ATP8B1: variants seen among roughly 807,000 people sequenced by gnomAD.
The protein encoded by ATP8B1 is phospholipid-transporting ATPase IC.
ATP8B1 carries 80 observed loss-of-function variants against 149.9 expected under a neutral mutation model. The observed-to-expected ratio is 0.53, with a 90% confidence interval of 0.45 to 0.64. The LOEUF (loss-of-function observed/expected upper bound fraction) is 0.64, where lower values mean the gene tolerates loss of function less well. ATP8B1 is among the 30% of genes least tolerant of loss of function. The pLI, the probability that ATP8B1 is intolerant of heterozygous loss-of-function variation, is 0.00. For missense variants in ATP8B1, 1,247 were observed against 1,552.6 expected (o/e 0.80, Z 3.31); for synonymous variants, 536 against 562.8 (o/e 0.95, Z 0.67).
At chr18:57,717,614 A>T (rs535332863) in intron 2 of ATP8B1, among the ~76,000 whole-genome samples, 7 of 149,918 alleles carry the variant, frequency 4.7e-5, no homozygotes, top group African/African-American at 1.7e-4. Context: ...GAGCAAACCA[A>T]ACCCAAAGTT....
At chr18:57,773,364 G>T (rs2123383017) in intron 1 of ATP8B1, among the ~76,000 whole-genome samples, 1 of 152,248 alleles carries the variant, frequency 6.6e-6, no homozygotes, top group Non-Finnish European at 1.5e-5. Flanking sequence ...CAGACAGAAA[G>T]GGTGGGATTT....
At chr18:57,672,891 T>TAC (rs1911302615) in intron 16 of ATP8B1, among the ~76,000 whole-genome samples, 22 of 17,496 alleles carry the variant, frequency 1.3e-3, no homozygotes, top group Non-Finnish European at 3.1e-4. Context: ...AAAAAGTATA[T>TAC]ATATATATAT....
At chr18:57,687,333 C>G (rs1912300905) in intron 13 of ATP8B1, among the ~76,000 whole-genome samples, 1 of 152,200 alleles carries the variant, frequency 6.6e-6, no homozygotes, top group Non-Finnish European at 1.5e-5. Context: ...TAGAATTATA[C>G]AACATTTGTC....
chr18:57,795,491 G>T (rs944014475), intron 1 of ATP8B1, among the ~76,000 whole-genome samples: 1 of 152,248 alleles, frequency 6.6e-6, no homozygotes, highest in Non-Finnish European at 1.5e-5. Context: ...TAAACAAAAT[G>T]TGGTATGTGC....
intron 1 of ATP8B1, among the ~76,000 whole-genome samples, chr18:57,741,863 C>T (rs1189989627): frequency 6.6e-6 from 1 of 152,030 alleles, no homozygotes; most frequent in East Asian, 1.9e-4. Context: ...TGGAGTCTGC[C>T]CAGTATTCTT....
intron 1 of ATP8B1, among the ~76,000 whole-genome samples, chr18:57,773,321 C>T (rs2080280322): frequency 6.6e-6 from 1 of 151,862 alleles, no homozygotes; most frequent in African/African-American, 2.4e-5. Context: ...CCTCTGGCAA[C>T]AGGGGCCAAA....
intron 1 of ATP8B1, among the ~76,000 whole-genome samples, chr18:57,743,356 C>T (rs2079936771): frequency 6.6e-6 from 1 of 152,138 alleles, no homozygotes; most frequent in Non-Finnish European, 1.5e-5. Flanking sequence ...CTTCCCCACA[C>T]CTACTAACAA....
At chr18:57,729,882 A>G (rs1207044684) in intron 2 of ATP8B1, among the ~76,000 whole-genome samples, 1 of 152,188 alleles carries the variant, frequency 6.6e-6, no homozygotes, top group East Asian at 1.9e-4. Context: ...GTCAAGTATC[A>G]TGAGTTTAGT....
intron 1 of ATP8B1, among the ~76,000 whole-genome samples, chr18:57,773,268 G>A (rs182279869): frequency 6.6e-6 from 1 of 151,944 alleles, no homozygotes; most frequent in African/African-American, 2.4e-5. Flanking sequence ...AAAAGATGGT[G>A]TTAATCTGTG....
intron 1 of ATP8B1, among the ~76,000 whole-genome samples, chr18:57,770,441 C>G (rs2080254596): frequency 6.6e-6 from 1 of 152,260 alleles, no homozygotes; most frequent in Admixed American, 6.5e-5. Context: ...TGCAATGGCA[C>G]CACAGAATTT....
intron 1 of ATP8B1, among the ~76,000 whole-genome samples, chr18:57,744,581 G>A (rs1011880502): frequency 6.6e-6 from 1 of 152,118 alleles, no homozygotes; most frequent in Non-Finnish European, 1.5e-5. Flanking sequence ...TTATTTTTAC[G>A]TTCAAGCGTC....
chr18:57,783,966 G>C (rs965841611), intron 1 of ATP8B1, among the ~76,000 whole-genome samples: 5 of 152,186 alleles, frequency 3.3e-5, no homozygotes, highest in Non-Finnish European at 5.9e-5. Flanking sequence ...GGCTTCCCCT[G>C]TTCTCTACAT....
At chr18:57,655,796 T>C (rs916254551) in intron 22 of ATP8B1, among the ~76,000 whole-genome samples, 3 of 152,218 alleles carry the variant, frequency 2.0e-5, no homozygotes, top group Middle Eastern at 3.2e-3. Flanking sequence ...TGGGCAGATA[T>C]GTAATTTGTG....
intron 6 of ATP8B1, among the ~76,000 whole-genome samples, chr18:57,698,651 G>A (rs946302809): frequency 2.6e-5 from 4 of 152,146 alleles, no homozygotes; most frequent in African/African-American, 7.2e-5. Context: ...CTTCTTAATT[G>A]TAAAGGCTTA....
intron 19 of ATP8B1, 64 bp from the exon 20 acceptor site, chr18:57,667,231 T>C: frequency 7.2e-7 from 1 of 1,383,148 alleles, no homozygotes; most frequent in Non-Finnish European, 1.0e-6. Flanking sequence ...TTATTTTGTT[T>C]TTTGAGACAG....
chr18:57,786,031 C>T (rs772498851), intron 1 of ATP8B1, among the ~76,000 whole-genome samples: 4 of 152,138 alleles, frequency 2.6e-5, no homozygotes, highest in African/African-American at 7.2e-5. Context: ...TGTCTAATAA[C>T]GGCAGCTAAT....
At chr18:57,754,439 CA>C (rs749830355) in intron 1 of ATP8B1, among the ~76,000 whole-genome samples, 204 of 62,848 alleles carry the variant, frequency 3.2e-3, no homozygotes, top group Middle Eastern at 0.01. Context: ...CTCTGTCTAA[CA>C]AAAAAATATA....
intron 1 of ATP8B1, among the ~76,000 whole-genome samples, chr18:57,796,872 C>T (rs1394551547): frequency 6.6e-6 from 1 of 152,068 alleles, no homozygotes; most frequent in African/African-American, 2.4e-5. Context: ...AGGATGGTCT[C>T]GATCTCTTGA....
Position 57,688,295 on chromosome 18 carries a change from T to C in ATP8B1, c.1429+4A>G, listed in dbSNP as rs1912356957. The C allele has an allele frequency of 6.2e-7, 1 of 1,613,724 alleles. No individual in the cohort carries two copies. Among genetic ancestry groups the C allele is most frequent in the Non-Finnish European group, 8.5e-7 (1 of 1,179,790 alleles). On this transcript the variant is annotated splice_donor_region_variant and intron_variant, in intron 13 of 27. Transcript: ENST00000648908. ...CCAGAAAATGAGTGACGGCTTCCAC[T>C]TACCATATATCTGCCCGTTGATACA...
Sources: allele counts gnomAD v4.1 joint callset (sites outside exome capture counted in the v4.1 genomes callset), GRCh38; gene constraint gnomAD v4.1.1; transcripts MANE v1.5; gene names NCBI Gene and HGNC (gene_info 2026-07-23, HGNC 2026-07-21).